MCPH1: variants seen among roughly 807,000 people sequenced by gnomAD.
The protein encoded by MCPH1 is microcephalin.
MCPH1 carries 104 observed loss-of-function variants against 84.5 expected under a neutral mutation model. The observed-to-expected ratio is 1.23, with a 90% CI of 1.05 to 1.45. The LOEUF (loss-of-function observed/expected upper bound fraction) is 1.45, where lower values mean the gene tolerates loss of function less well. Among genes scored for constraint, MCPH1 ranks in the 40% most tolerant of loss-of-function variants. The pLI, the probability that MCPH1 is intolerant of heterozygous loss-of-function variation, is 0.00. For missense variants in MCPH1, 1,498 were observed against 1,005.7 expected (o/e 1.49, Z -6.62); for synonymous variants, 514 against 366.8 (o/e 1.40, Z -4.58).
intron 2 of MCPH1, among the ~76,000 whole-genome samples, chr8:6,410,202 C>T (rs1318116762): frequency 2.0e-5 from 3 of 151,820 alleles, no homozygotes; most frequent in African/African-American, 2.4e-5. Context: ...TCTCAATCTC[C>T]TGATCTCGTG....
At chr8:6,563,691 G>C (rs1478727267) in intron 12 of MCPH1, among the ~76,000 whole-genome samples, 1 of 152,178 alleles carries the variant, frequency 6.6e-6, no homozygotes, top group African/African-American at 2.4e-5. Context: ...AAGAAGTTTG[G>C]CTCCTGTAAA....
At chr8:6,507,703 A>T (rs528972165) in intron 12 of MCPH1, 1 of 148,768 alleles carries the variant, frequency 6.7e-6, no homozygotes, top group African/African-American at 2.5e-5. Flanking sequence ...GAGCCTCCTG[A>T]GTAGGAGTAG....
At chr8:6,555,037 T>A (rs1418911630) in intron 12 of MCPH1, among the ~76,000 whole-genome samples, 1 of 152,200 alleles carries the variant, frequency 6.6e-6, no homozygotes, top group East Asian at 1.9e-4. Context: ...CCCTTTTTTT[T>A]AAACCACACA....
intron 12 of MCPH1, among the ~76,000 whole-genome samples, chr8:6,607,815 G>C (rs1488315202): frequency 6.6e-6 from 1 of 152,192 alleles, no homozygotes; most frequent in Non-Finnish European, 1.5e-5. Context: ...TCCCCAGGCA[G>C]GTGGAACTGT....
chr8:6,470,255 T>G (rs1316462094), intron 9 of MCPH1, among the ~76,000 whole-genome samples: 1 of 152,182 alleles, frequency 6.6e-6, no homozygotes, highest in African/African-American at 2.4e-5. Flanking sequence ...TTTTTTCATT[T>G]CTGAGATCCT....
intron 13 of MCPH1, among the ~76,000 whole-genome samples, chr8:6,630,601 G>A (rs573598566): frequency 4.1e-4 from 63 of 152,120 alleles, no homozygotes; most frequent in Non-Finnish European, 7.6e-4. Flanking sequence ...GACCAACACG[G>A]TGAAACCCTG....
chr8:6,464,735 C>G (rs1056190151), intron 9 of MCPH1, among the ~76,000 whole-genome samples: 1 of 152,198 alleles, frequency 6.6e-6, no homozygotes, highest in Admixed American at 6.5e-5. Context: ...TGGTGGCTCA[C>G]GCCTATAATC....
chr8:6,459,349 C>T (rs1806026773), intron 9 of MCPH1, among the ~76,000 whole-genome samples: 1 of 152,108 alleles, frequency 6.6e-6, no homozygotes, highest in African/African-American at 2.4e-5. Flanking sequence ...AGTCTTGGCT[C>T]ACTGCAACCT....
intron 12 of MCPH1, among the ~76,000 whole-genome samples, chr8:6,541,755 A>G (rs945821229): frequency 3.9e-5 from 6 of 152,158 alleles, no homozygotes; most frequent in Non-Finnish European, 7.4e-5. Flanking sequence ...TGTAATCCCA[A>G]TACTTTAGGG....
At chr8:6,468,751 T>TG (rs1379049986) in intron 9 of MCPH1, among the ~76,000 whole-genome samples, 5 of 152,092 alleles carry the variant, frequency 3.3e-5, no homozygotes, top group Non-Finnish European at 5.9e-5. Flanking sequence ...TTGTATTATT[T>TG]GAAACTGTTT....
chr8:6,427,525 C>G (rs1801231089), intron 3 of MCPH1, among the ~76,000 whole-genome samples: 1 of 152,112 alleles, frequency 6.6e-6, no homozygotes, highest in Non-Finnish European at 1.5e-5. Context: ...GCGTGTGCCA[C>G]TATGCCTGGG....
At position 6,589,087 on chromosome 8, in the gene MCPH1, G is replaced by A. The variant is rs1294557684; in HGVS notation, c.2215-32367G>A. ...TACAAAATTATTAAAACACCTGGAT[G>A]ATGAATTGACAACAAGAGTTTTTCT... On this transcript the variant is annotated intron_variant, in intron 12 of 13. Coordinates refer to ENST00000344683, the MANE Select transcript of MCPH1 (RefSeq NM_024596.5). Among the ~76,000 whole-genome samples the A allele has an allele frequency of 3.9e-5, 6 of 152,236 alleles. No homozygotes were observed. The South Asian group carries it at 1.0e-3, about 26-fold the overall frequency.
chr8:6,523,030 C>G (rs1345764030), intron 12 of MCPH1, among the ~76,000 whole-genome samples: 1 of 151,674 alleles, frequency 6.6e-6, no homozygotes, highest in Non-Finnish European at 1.5e-5. Flanking sequence ...TGGAGTCTCG[C>G]TCTGTCACCC....
intron 12 of MCPH1, among the ~76,000 whole-genome samples, chr8:6,572,829 T>C (rs1339271564): frequency 6.6e-6 from 1 of 152,226 alleles, no homozygotes; most frequent in African/African-American, 2.4e-5. Flanking sequence ...CCTAAGGCCC[T>C]GGGTAGTGCA....
intron 12 of MCPH1, among the ~76,000 whole-genome samples, chr8:6,586,500 G>A (rs577064260): frequency 3.3e-5 from 5 of 152,308 alleles, no homozygotes; most frequent in Admixed American, 6.5e-5. Context: ...CATGCAGTGC[G>A]TGTCTTTATG....
chr8:6,445,679 A>G (rs1804248843), intron 8 of MCPH1, 132 bp downstream of exon 8: 4 of 1,444,022 alleles, frequency 2.8e-6, no homozygotes, highest in Non-Finnish European at 3.6e-6. Flanking sequence ...AAGAATGTGC[A>G]TTTGATCATT....
chr8:6,441,384 T>A (rs1215666494), intron 6 of MCPH1, among the ~76,000 whole-genome samples: 1 of 115,122 alleles, frequency 8.7e-6, no homozygotes, highest in African/African-American at 2.6e-5. Context: ...CCCTTCCTTA[T>A]CTTGGTTTAT....
chr8:6,562,840 T>G, intron 12 of MCPH1: 1 of 1,613,984 alleles, frequency 6.2e-7, no homozygotes, highest in Non-Finnish European at 8.5e-7. Context: ...CTGATATTGC[T>G]TCTTTCCTAT....
intron 12 of MCPH1, among the ~76,000 whole-genome samples, chr8:6,579,927 C>T (rs1586699102): frequency 6.6e-6 from 1 of 152,326 alleles, no homozygotes; most frequent in East Asian, 1.9e-4. Flanking sequence ...CTTTGACCAC[C>T]ATTGCTGGGC....
Sources: gnomAD v4.1 joint callset for allele counts (sites outside exome capture counted in the v4.1 genomes callset) on GRCh38, gnomAD v4.1.1 for gene constraint, MANE v1.5 for transcripts, NCBI Gene and HGNC (gene_info 2026-07-23, HGNC 2026-07-21) for gene names.